The following FSTL1 variants were observed in gnomAD, a reference collection of about 807,000 sequenced individuals.
FSTL1 encodes the protein follistatin like 1, also known as follistatin-related protein 1.
In FSTL1, 24 loss-of-function variants were observed where a neutral mutation model predicts 45.9. The observed-to-expected ratio is 0.52, with a 90% CI of 0.38 to 0.74. The LOEUF (loss-of-function observed/expected upper bound fraction) is 0.74. Among genes scored for constraint, FSTL1 ranks in the 30% least tolerant of loss-of-function variants. The pLI is 0.00. For missense variants in FSTL1, 340 were observed against 381.8 expected (o/e 0.89, Z 0.91); for synonymous variants, 120 against 137.6 (o/e 0.87, Z 0.89).
Position 120,394,082 on chromosome 3 carries a change from C to T in FSTL1, c.*2870G>A, listed in dbSNP as rs1322522398. The T allele has an allele frequency of 6.6e-6, 1 of 152,200 alleles. No homozygotes were observed. The highest frequency in any genetic ancestry group is 1.5e-5 in the Non-Finnish European group (1 of 68,048). 9.4% of individuals were successfully genotyped at this position (152,200 alleles called of 1,614,324 possible). On this transcript the variant is annotated 3_prime_UTR_variant, in exon 11 of 11. Transcript: ENST00000295633. The stretch of plus-strand genomic sequence containing the variant: ...TTGTCATCACCTTCTACTCCAGACC[C>T]ACTATCCATGATCCTTTCAAAGAAA...
At chr3:120,438,589 A>G (rs1485752605) in intron 2 of FSTL1, 1 of 152,232 alleles carries the variant, frequency 6.6e-6, no homozygotes, top group Non-Finnish European at 1.5e-5. Context: ...GAGTTAATCA[A>G]ATATCCCAAT....
intron 6 of FSTL1, among the ~76,000 whole-genome samples, chr3:120,406,136 T>G (rs923334514): frequency 2.0e-5 from 3 of 152,184 alleles, no homozygotes; most frequent in African/African-American, 7.2e-5. Flanking sequence ...AAACAACTAT[T>G]AGGCCTTTGC....
At position 120,395,659 on chromosome 3, in the gene FSTL1, A is replaced by G; in HGVS notation, c.*1293T>C. On this transcript the variant is annotated 3_prime_UTR_variant, in exon 11 of 11. Transcript: ENST00000295633. ...GCCATCTGACATTTCTTGTTCTAGT[A>G]ACAAGATTTCATTTATTCTATAGAG... 1 of 534,372 alleles carries G rather than the reference A, an allele frequency of 1.9e-6. No individual in the cohort carries two copies. Among genetic ancestry groups the G allele is most frequent in the South Asian group, 1.4e-5 (1 of 71,488 alleles). 33.1% of individuals were successfully genotyped at this position (534,372 alleles called of 1,614,324 possible). A position where few individuals can be genotyped will look rare whatever the true frequency, so the allele number is the denominator to read the frequency against.
chr3:120,404,755 T>C (rs112289838), intron 7 of FSTL1, 98 bp downstream of exon 7: 1 of 735,252 alleles, frequency 1.4e-6, no homozygotes. Context: ...TGACATTCTC[T>C]CACTGGTGGC....
intron 6 of FSTL1, among the ~76,000 whole-genome samples, chr3:120,405,741 T>C (rs1936934593): frequency 6.6e-6 from 1 of 152,200 alleles, no homozygotes; most frequent in South Asian, 2.1e-4. Context: ...TCACACACTG[T>C]TCTCTATGGC....
rs541862974 is a variant in FSTL1 at position 120,399,949 on chromosome 3, C to A, written c.816G>T (p.Gln272His). The change falls in exon 10 of 11, where the codon CAG (glutamine) becomes CAT (histidine). Residue 272 changes from glutamine to histidine, a missense_variant. Gln to His is a conservative substitution (Grantham distance 24, BLOSUM62 0). Coordinates refer to ENST00000295633, the MANE Select transcript of FSTL1 (RefSeq NM_007085.5). ...CTAMTCDGKNQKGAQTQTEEE... is the reference protein window; with the variant it reads ...CTAMTCDGKNHKGAQTQTEEE... The stretch of plus-strand genomic sequence containing the variant: ...CCTCTGTCTGGGTCTGGGCCCCCTT[C>A]TGATTCTTTCCTGCAAGAAGAACCA... 3.7e-6 allele frequency: 6 copies of A among 1,606,616 alleles called. No homozygotes were observed. The highest frequency in any genetic ancestry group is 2.2e-5 in the East Asian group (1 of 44,816).
chr3:120,414,496 A>C (rs1286653447), intron 3 of FSTL1, among the ~76,000 whole-genome samples: 1 of 149,296 alleles, frequency 6.7e-6, no homozygotes, highest in Admixed American at 6.7e-5. Flanking sequence ...GGTGTGCCCA[A>C]CAGCTCATTG....
intron 2 of FSTL1, among the ~76,000 whole-genome samples, chr3:120,437,382 A>G (rs1361022969): frequency 6.6e-6 from 1 of 152,224 alleles, no homozygotes; most frequent in Non-Finnish European, 1.5e-5. Context: ...TTCACACCAT[A>G]AAAATAAGCA....
intron 3 of FSTL1, 53 bp from the exon 4 acceptor site, chr3:120,412,036 GACACACACACACACATACATGC>G (rs55876532): frequency 0.31 from 439,227 of 1,421,258 alleles, 71,821 homozygotes; most frequent in Non-Finnish European, 0.35. Flanking sequence ...TCGACACACA[GACACACACACACACATACATGC>G]ACACACACAC....
intron 2 of FSTL1, chr3:120,423,413 G>C (rs1027812228): frequency 5.9e-5 from 9 of 151,960 alleles, no homozygotes; most frequent in African/African-American, 2.2e-4. Context: ...AGTCATAGCA[G>C]AAGTATAGCA....
chr3:120,400,608 A>C (rs1451555650), intron 9 of FSTL1, among the ~76,000 whole-genome samples: 1 of 152,228 alleles, frequency 6.6e-6, no homozygotes, highest in African/African-American at 2.4e-5. Context: ...GCTGACCATT[A>C]GGAAACACTT....
At chr3:120,448,870 G>C (rs1441504372) in intron 2 of FSTL1, among the ~76,000 whole-genome samples, 2 of 152,154 alleles carry the variant, frequency 1.3e-5, no homozygotes, top group Non-Finnish European at 2.9e-5. Context: ...ACACAGCCTG[G>C]TAAGTCAACC....
rs1434932027 is a variant in FSTL1, at chr3:120,393,210, G to T, written c.*3742C>A. 1 of 152,156 alleles carries T rather than the reference G, an allele frequency of 6.6e-6. No individual in the cohort carries two copies. The highest frequency in any genetic ancestry group is 2.4e-5 in the African/African-American group (1 of 41,426). 9.4% of individuals were successfully genotyped at this position (152,156 alleles called of 1,614,324 possible). On this transcript the variant is annotated 3_prime_UTR_variant, in exon 11 of 11. Transcript: ENST00000295633. ...CAAAAAAGATTGCCTTTTAATATTT[G>T]ATTAGCATTTGGGTAATATCCCAAA...
chr3:120,426,192 T>C (rs1464447412), intron 2 of FSTL1, among the ~76,000 whole-genome samples: 1 of 152,024 alleles, frequency 6.6e-6, no homozygotes, highest in Admixed American at 6.5e-5. Context: ...TAAATCCCAG[T>C]ACCTTCAAAT....
intron 2 of FSTL1, among the ~76,000 whole-genome samples, chr3:120,421,896 A>G (rs1414925160): frequency 1.3e-5 from 2 of 152,244 alleles, no homozygotes; most frequent in Non-Finnish European, 2.9e-5. Context: ...ATATACAATT[A>G]TAAATGCAAA....
At chr3:120,408,354 G>A (rs1936986662) in intron 6 of FSTL1, among the ~76,000 whole-genome samples, 1 of 152,250 alleles carries the variant, frequency 6.6e-6, no homozygotes, top group Non-Finnish European at 1.5e-5. Flanking sequence ...GGAATCCAGA[G>A]ATTTAGTATC....
intron 2 of FSTL1, among the ~76,000 whole-genome samples, chr3:120,430,893 G>A (rs1197853791): frequency 6.6e-6 from 1 of 152,214 alleles, no homozygotes; most frequent in Non-Finnish European, 1.5e-5. Context: ...GTGTGGCTAT[G>A]GTTAAGTGAC....
intron 6 of FSTL1, among the ~76,000 whole-genome samples, chr3:120,406,498 C>A (rs968053913): frequency 2.6e-5 from 4 of 152,204 alleles, no homozygotes; most frequent in Non-Finnish European, 5.9e-5. Context: ...ACAGTCCAGG[C>A]AGCTCTCAAA....
At position 120,450,759 on chromosome 3, in the gene FSTL1, G is replaced by C. The variant is rs778718319; in HGVS notation, c.1-13C>G. ...AGCGTTTCCACATCTGCGGAAGAGA[G>C]AAGAGAGCGAGTCTGAAGGCGCCGG... On this transcript the variant is annotated splice_polypyrimidine_tract_variant and intron_variant, in intron 1 of 10. Coordinates refer to ENST00000295633, the MANE Select transcript of FSTL1 (RefSeq NM_007085.5). The C allele has an allele frequency of 2.5e-6, 4 of 1,570,494 alleles. No individual in the cohort carries two copies. The highest frequency in any genetic ancestry group is 3.4e-6 in the Non-Finnish European group (4 of 1,165,036).
Sources: gnomAD v4.1 joint callset for allele counts (sites outside exome capture counted in the v4.1 genomes callset) on GRCh38, gnomAD v4.1.1 for gene constraint, MANE v1.5 for transcripts, NCBI Gene and HGNC (gene_info 2026-07-23, HGNC 2026-07-21) for gene names.